MAP3K2: variants seen among roughly 807,000 people sequenced by gnomAD.
The protein encoded by MAP3K2 is mitogen-activated protein kinase kinase kinase 2.
Under a neutral mutation model 80.3 loss-of-function variants are expected in MAP3K2, and 24 were observed. The observed-to-expected ratio is 0.30, with a 90% CI of 0.22 to 0.42. The LOEUF is 0.42. MAP3K2 is among the 10% of genes least tolerant of loss of function. The probability of loss-of-function intolerance (pLI) is 1.00; values close to 1 mark genes in which losing one functional copy is unlikely to be tolerated. For synonymous variants in MAP3K2, 244 were observed against 253.7 expected, an observed-to-expected ratio of 0.96 and a Z score of 0.36; for missense variants, 608 against 750.1, an observed-to-expected ratio of 0.81 and a Z score of 2.21.
Position 127,307,953 on chromosome 2 carries a change from C to A in MAP3K2, c.1635-149G>T. On this transcript the variant is annotated intron_variant, in intron 16 of 16. Coordinates refer to ENST00000682094, the MANE Select transcript of MAP3K2 (RefSeq NM_001371910.2). This position sits in a 1 kb window ranked among gnomAD's most constrained non-coding sequence, Gnocchi z 5.4. ...AAGTTTCATTAAAAAGTTCTAATTT[C>A]GTAAAACTAATTTAAACATAAAAAT... 1.8e-6 allele frequency: 1 copy of A among 545,998 alleles called. No homozygotes were observed. The highest frequency in any genetic ancestry group is 3.0e-5 in the South Asian group (1 of 33,730). The allele number at this position is 545,998 out of a possible 1,614,324, so 33.8% of individuals were successfully genotyped here. A position where few individuals can be genotyped will look rare whatever the true frequency, so the allele number is the denominator to read the frequency against.
intron 7 of MAP3K2, 34 bp from the exon 8 acceptor site, chr2:127,326,851 T>C (rs202202726): frequency 2.8e-6 from 4 of 1,442,298 alleles, no homozygotes; most frequent in South Asian, 1.4e-5. Context: ...TTTATAATTA[T>C]AGGCAAGGGA....
Position 127,317,748 on chromosome 2 carries a change from G to C in MAP3K2, c.1207C>G (p.Leu403Val), listed in dbSNP as rs1685935086. 7 of 1,601,756 alleles carry C rather than the reference G, an allele frequency of 4.4e-6. No individual in the cohort carries two copies. Among genetic ancestry groups the C allele is most frequent in the Non-Finnish European group, 5.1e-6 (6 of 1,173,490 alleles). The change falls in exon 14 of 17, where the codon CTT (leucine) becomes GTT (valine). Residue 403 changes from leucine to valine, a missense_variant. Leu to Val is a conservative substitution (Grantham distance 32). Around this residue, in one of 4 missense-constraint regions of MAP3K2, gnomAD observed 467 missense variants for 521.9 expected, o/e 0.89. Transcript: ENST00000682094. ...TTCAGCAACTGAATTTCACACTCAA[G>C]TGCATTTACTTCCTGAAAGAGAGAA... ...SPETSKEVNA[L>V]ECEIQLLKNL...
intron 1 of MAP3K2, among the ~76,000 whole-genome samples, chr2:127,354,800 G>C (rs1167032077): frequency 6.6e-6 from 1 of 151,910 alleles, no homozygotes; most frequent in Non-Finnish European, 1.5e-5. Flanking sequence ...TGACACAAAT[G>C]ATAGAATTAG....
In MAP3K2 at chr2:127,310,019, C is replaced by T. The variant is rs1685781214; in HGVS notation, c.1457-1257G>A. On this transcript the variant is annotated intron_variant, in intron 15 of 16. Transcript: ENST00000682094. This position sits in a 1 kb window ranked among gnomAD's most constrained non-coding sequence, Gnocchi z 4.8. ...ACATAAATTATTTGGAGTTATGCTG[C>T]AGAAGAGATTTGTCTCCCCTCTCCC... Among the ~76,000 whole-genome samples the T allele has an allele frequency of 6.6e-6, 1 of 152,168 alleles. No individual in the cohort carries two copies. Among genetic ancestry groups the T allele is most frequent in the Non-Finnish European group, 1.5e-5 (1 of 68,036 alleles).
Position 127,339,785 on chromosome 2 carries a change from T to C in MAP3K2, c.5-735A>G, listed in dbSNP as rs967079225. ...ATGTGCCTGCCAGTAATGCCAATTA[T>C]AAGCTCTCCAGAAGACATCAGGGAC... On this transcript the variant is annotated intron_variant, in intron 2 of 16. Coordinates refer to ENST00000682094, the MANE Select transcript of MAP3K2 (RefSeq NM_001371910.2). This position sits in a 1 kb window ranked among gnomAD's most constrained non-coding sequence, Gnocchi z 4.2. 2.0e-5 allele frequency among the ~76,000 whole-genome samples: 3 copies of C among 152,230 alleles called. No individual in the cohort carries two copies. Among genetic ancestry groups the C allele is most frequent in the South Asian group, 4.1e-4 (2 of 4,828 alleles).
rs1239839828 is a variant in MAP3K2 at position 127,306,164 on chromosome 2, C to T, written c.*1415G>A. 1 of 152,146 alleles carries T rather than the reference C, an allele frequency of 6.6e-6. No homozygotes were observed. Among genetic ancestry groups the T allele is most frequent in the East Asian group, 1.9e-4 (1 of 5,200 alleles). 9.4% of individuals were successfully genotyped at this position (152,146 alleles called of 1,614,324 possible). ...GTAAAATCCTCAATTTGCATTACATCACTTTCTCTTTGCGACTTCCTTTTC... is the reference window on the plus strand; with the variant it reads ...GTAAAATCCTCAATTTGCATTACATTACTTTCTCTTTGCGACTTCCTTTTC... On this transcript the variant is annotated 3_prime_UTR_variant, in exon 17 of 17. Coordinates refer to ENST00000682094, the MANE Select transcript of MAP3K2 (RefSeq NM_001371910.2). The surrounding 1 kb of genome is among the most constrained non-coding windows in gnomAD (Gnocchi z 4.7).
intron 1 of MAP3K2, among the ~76,000 whole-genome samples, chr2:127,355,037 A>G (rs1442713873): frequency 2.0e-5 from 3 of 152,176 alleles, no homozygotes; most frequent in Non-Finnish European, 4.4e-5. Flanking sequence ...ACAAAAAATG[A>G]ACAGAGCATA....
chr2:127,366,373 C>T (rs1451297032), intron 1 of MAP3K2, among the ~76,000 whole-genome samples: 4 of 148,656 alleles, frequency 2.7e-5, no homozygotes, highest in East Asian at 1.9e-4. Flanking sequence ...CATACAAAAA[C>T]CCTATCTCTG....
At chr2:127,337,298 C>A (rs1686392817) in intron 4 of MAP3K2, among the ~76,000 whole-genome samples, 1 of 152,152 alleles carries the variant, frequency 6.6e-6, no homozygotes, top group Non-Finnish European at 1.5e-5. Flanking sequence ...TAGTCCAATT[C>A]ACTTTCCTCA....
At position 127,386,449 on chromosome 2, in the gene MAP3K2, T is replaced by C. The variant is rs186310476; in HGVS notation, c.-66+1003A>G. On this transcript the variant is annotated intron_variant, in intron 1 of 16. Transcript: ENST00000682094. ...ATAAGACAACGAACAAATCACTAAATTGCCACATAATCCAGCAACAAATTT... is the reference window on the plus strand; with the variant it reads ...ATAAGACAACGAACAAATCACTAAACTGCCACATAATCCAGCAACAAATTT... Among the ~76,000 whole-genome samples, 6 of 152,328 alleles carry C rather than the reference T, an allele frequency of 3.9e-5. No homozygotes were observed. In the East Asian group the frequency reaches 7.7e-4, roughly 20 times the overall value.
rs1686442626 is a variant in MAP3K2, at chr2:127,339,818, T to C, written c.5-768A>G. On this transcript the variant is annotated intron_variant, in intron 2 of 16. Transcript: ENST00000682094. The surrounding 1 kb of genome is among the most constrained non-coding windows in gnomAD (Gnocchi z 4.2). ...CCAGAAGACATCAGGGACAACTTAA[T>C]TTATTTTCACTAGTAAATCAATTCT... 1.3e-5 allele frequency among the ~76,000 whole-genome samples: 2 copies of C among 152,134 alleles called. No homozygotes were observed. The highest frequency in any genetic ancestry group is 6.5e-5 in the Admixed American group (1 of 15,276).
chr2:127,378,908 T>C (rs1265695287), intron 1 of MAP3K2, among the ~76,000 whole-genome samples: 1 of 151,572 alleles, frequency 6.6e-6, no homozygotes, highest in Non-Finnish European at 1.5e-5. Context: ...TCCTCCCACC[T>C]CAGCCTTTTG....
chr2:127,336,182 T>C (rs753083352), intron 4 of MAP3K2, among the ~76,000 whole-genome samples: 7 of 152,208 alleles, frequency 4.6e-5, no homozygotes, highest in Non-Finnish European at 1.0e-4. Flanking sequence ...CTAATACAAA[T>C]TTTAAAAAGG....
At chr2:127,373,962 C>T (rs572320529) in intron 1 of MAP3K2, among the ~76,000 whole-genome samples, 3 of 152,322 alleles carry the variant, frequency 2.0e-5, no homozygotes, top group African/African-American at 7.2e-5. Flanking sequence ...TGACAAACTC[C>T]TTCAGTTCTT....
rs1256248702 is a variant in MAP3K2 at position 127,300,350 on chromosome 2, A to T, written c.*7229T>A. 1.3e-5 allele frequency: 2 copies of T among 152,196 alleles called. No individual in the cohort carries two copies. The highest frequency in any genetic ancestry group is 4.8e-5 in the African/African-American group (2 of 41,474). 9.4% of individuals were successfully genotyped at this position (152,196 alleles called of 1,614,324 possible). A position where few individuals can be genotyped will look rare whatever the true frequency, so the allele number is the denominator to read the frequency against. ...CTTTGTACATAATTATAAACTGCCC[A>T]GCATTCAACTGAGATTAAAAACATT... On this transcript the variant is annotated 3_prime_UTR_variant, in exon 17 of 17. Transcript: ENST00000682094.
At position 127,347,494 on chromosome 2, in the gene MAP3K2, C is replaced by CA. The variant is rs1004765480; in HGVS notation, c.-65-4301dup. On this transcript the variant is annotated intron_variant, in intron 1 of 16. Coordinates refer to ENST00000682094, the MANE Select transcript of MAP3K2 (RefSeq NM_001371910.2). The stretch of plus-strand genomic sequence containing the variant: ...AAATCAATTTCATTTACAATACCAC[C>CA]AAAAAAAATAAAGTACTTAGGAACA... 9.3e-5 allele frequency among the ~76,000 whole-genome samples: 14 copies of CA among 151,190 alleles called. 1 individual carries two copies. Among genetic ancestry groups the CA allele is most frequent in the African/African-American group, 2.4e-4 (10 of 41,144 alleles).
upstream of MAP3K2, chr2:127,388,073 C>T (rs1310314349): frequency 2.0e-6 from 2 of 983,914 alleles, no homozygotes; most frequent in Non-Finnish European, 2.4e-6. Context: ...GCGCCCGGCC[C>T]AGGGGAGTGG....
At chr2:127,374,617 C>T (rs564411953) in intron 1 of MAP3K2, among the ~76,000 whole-genome samples, 4 of 152,326 alleles carry the variant, frequency 2.6e-5, no homozygotes, top group Admixed American at 2.0e-4. Context: ...AGATGTTACA[C>T]GCATCCCTGA....
intron 14 of MAP3K2, 128 bp downstream of exon 14, chr2:127,317,501 A>C (rs1293367037): frequency 1.4e-6 from 1 of 704,204 alleles, no homozygotes; most frequent in African/African-American, 1.8e-5. Flanking sequence ...ACTCAGCTCT[A>C]ATTTAAAACT....
Sources: gnomAD v4.1 joint callset for allele counts (sites outside exome capture counted in the v4.1 genomes callset) on GRCh38, gnomAD v4.1.1 for gene constraint, gnomAD v4.1.1 regional missense constraint, Gnocchi (gnomAD v3.1) non-coding constraint, MANE v1.5 for transcripts, NCBI Gene and HGNC (gene_info 2026-07-23, HGNC 2026-07-21) for gene names.